The following CADM1 variants were observed in gnomAD, a reference collection of about 807,000 sequenced individuals.
CADM1 encodes the protein cell adhesion molecule 1, also known as TSLC-1.
A neutral mutation model predicts 53.1 loss-of-function variants in CADM1; 15 were observed. That is an observed-to-expected ratio of 0.28 (90% confidence interval 0.19 to 0.44). The LOEUF is 0.44. Among genes scored for constraint, CADM1 ranks in the 20% least tolerant of loss-of-function variants. The pLI, the probability that CADM1 is intolerant of heterozygous loss-of-function variation, is 1.00. For missense variants in CADM1, 434 were observed against 611.3 expected, an observed-to-expected ratio of 0.71 and a Z score of 3.06; for synonymous variants, 281 against 243.0, an observed-to-expected ratio of 1.16 and a Z score of -1.45.
intron 1 of CADM1, among the ~76,000 whole-genome samples, chr11:115,325,211 G>A (rs1326507972): frequency 2.6e-5 from 4 of 152,130 alleles, no homozygotes; most frequent in Non-Finnish European, 4.4e-5. Context: ...TCTCCCCAGA[G>A]GGCTCTCACA....
intron 10 of CADM1, among the ~76,000 whole-genome samples, chr11:115,181,096 T>A (rs952283318): frequency 4.8e-5 from 7 of 146,256 alleles, no homozygotes; most frequent in Admixed American, 7.1e-5. Context: ...GAAGACACTA[T>A]CTTGTCCACT....
chr11:115,295,540 AT>A (rs1464337942), intron 1 of CADM1, among the ~76,000 whole-genome samples: 1,677 of 60,422 alleles, frequency 0.028, 56 homozygotes, highest in East Asian at 0.25. Context: ...ATATATATAT[AT>A]ATATATATAA....
At chr11:115,344,277 C>CA (rs11443735) in intron 1 of CADM1, among the ~76,000 whole-genome samples, 152,214 of 152,214 alleles carry the variant, frequency 1, 76,107 homozygotes, top group Non-Finnish European at 1. Context: ...ACCTCCAATC[C>CA]AATCTCTGGT....
At chr11:115,318,743 A>G (rs2135182095) in intron 1 of CADM1, among the ~76,000 whole-genome samples, 1 of 152,250 alleles carries the variant, frequency 6.6e-6, no homozygotes, top group Middle Eastern at 3.4e-3. Flanking sequence ...ATTATACTTG[A>G]TGACTTTTAG....
At chr11:115,311,940 ATC>A in intron 1 of CADM1, among the ~76,000 whole-genome samples, 1 of 152,204 alleles carries the variant, frequency 6.6e-6, no homozygotes, top group Non-Finnish European at 1.5e-5. Flanking sequence ...GTTTTCACCT[ATC>A]GGCACAAGGA....
intron 1 of CADM1, among the ~76,000 whole-genome samples, chr11:115,276,097 A>G (rs1037777636): frequency 6.6e-6 from 1 of 152,258 alleles, no homozygotes; most frequent in Non-Finnish European, 1.5e-5. Flanking sequence ...TTAAAAAATG[A>G]TGCTGTTGTA....
chr11:115,226,465 A>T (rs1248407773), intron 5 of CADM1, among the ~76,000 whole-genome samples: 3 of 152,222 alleles, frequency 2.0e-5, no homozygotes, highest in Non-Finnish European at 4.4e-5. Context: ...AATGATCCCC[A>T]AAAGGTTAAG....
intron 1 of CADM1, among the ~76,000 whole-genome samples, chr11:115,441,265 A>G (rs972829681): frequency 3.3e-5 from 5 of 152,124 alleles, no homozygotes; most frequent in African/African-American, 9.7e-5. Flanking sequence ...GGTGTGTTGT[A>G]TCTCACAGAA....
chr11:115,303,449 T>C (rs900427859), intron 1 of CADM1, among the ~76,000 whole-genome samples: 12 of 152,068 alleles, frequency 7.9e-5, no homozygotes, highest in Admixed American at 7.2e-4. Context: ...CTTCTCCATA[T>C]GCAAGTCTAT....
chr11:115,459,253 C>A (rs1423811760), intron 1 of CADM1, among the ~76,000 whole-genome samples: 1 of 152,160 alleles, frequency 6.6e-6, no homozygotes, highest in African/African-American at 2.4e-5. Flanking sequence ...GATCTTACTG[C>A]AGATTACTCT....
At chr11:115,309,458 G>C (rs1442513126) in intron 1 of CADM1, among the ~76,000 whole-genome samples, 2 of 152,088 alleles carry the variant, frequency 1.3e-5, no homozygotes, top group Non-Finnish European at 2.9e-5. Context: ...TTTTAAAACG[G>C]TTCATTTTCT....
intron 1 of CADM1, among the ~76,000 whole-genome samples, chr11:115,293,070 G>A (rs983877945): frequency 6.6e-6 from 1 of 152,248 alleles, no homozygotes; most frequent in African/African-American, 2.4e-5. Flanking sequence ...TTAAACTACT[G>A]TGAAGAAACG....
In CADM1 at chr11:115,175,329, A is replaced by T; in HGVS notation, c.*1145T>A. The T allele has an allele frequency of 1.0e-6, 1 of 984,328 alleles. No individual in the cohort carries two copies. 61.0% of individuals were successfully genotyped at this position (984,328 alleles called of 1,614,324 possible). ...AGCATGACAAATATCTGTAATATAC[A>T]GTACATGCAGGCCACATCCTACTGC... On this transcript the variant is annotated 3_prime_UTR_variant, in exon 12 of 12. Coordinates refer to ENST00000331581, the MANE Select transcript of CADM1 (RefSeq NM_001301043.2).
intron 1 of CADM1, among the ~76,000 whole-genome samples, chr11:115,255,351 C>T (rs1591646531): frequency 1.3e-5 from 2 of 152,120 alleles, no homozygotes; most frequent in Non-Finnish European, 2.9e-5. Flanking sequence ...TCCACCAGTC[C>T]CCTCAGAGCT....
chr11:115,185,948 G>A (rs921515721), intron 10 of CADM1, among the ~76,000 whole-genome samples: 11 of 152,198 alleles, frequency 7.2e-5, no homozygotes, highest in Non-Finnish European at 1.6e-4. Flanking sequence ...TGTCCAACCT[G>A]TAGAACTAGA....
At chr11:115,489,015 C>G (rs1206776678) in intron 1 of CADM1, among the ~76,000 whole-genome samples, 3 of 152,178 alleles carry the variant, frequency 2.0e-5, no homozygotes. Flanking sequence ...TAAGACAAGC[C>G]TCTCATGAAA....
chr11:115,419,083 T>C (rs559558833), intron 1 of CADM1, among the ~76,000 whole-genome samples: 2 of 152,318 alleles, frequency 1.3e-5, no homozygotes, highest in Non-Finnish European at 2.9e-5. Context: ...AAAACTAAAA[T>C]GGGTCTCTAA....
chr11:115,266,304 T>A (rs990565383), intron 1 of CADM1, among the ~76,000 whole-genome samples: 36 of 152,230 alleles, frequency 2.4e-4, no homozygotes, highest in African/African-American at 8.7e-4. Flanking sequence ...ATGTAACATT[T>A]TGAAGCATAA....
intron 4 of CADM1, among the ~76,000 whole-genome samples, chr11:115,229,888 G>A (rs1339703415): frequency 1.3e-5 from 2 of 152,172 alleles, no homozygotes; most frequent in African/African-American, 2.4e-5. Flanking sequence ...CAGTGGCAGT[G>A]GGCTAGAGCA....
Sources: gnomAD v4.1 joint callset for allele counts (sites outside exome capture counted in the v4.1 genomes callset) on GRCh38, gnomAD v4.1.1 for gene constraint, MANE v1.5 for transcripts, NCBI Gene and HGNC (gene_info 2026-07-23, HGNC 2026-07-21) for gene names.